Variants in MDH2 observed in about 807,000 individuals in gnomAD.
MDH2 encodes the protein malate dehydrogenase 2.
Under a neutral mutation model 33.6 loss-of-function variants are expected in MDH2, and 25 were observed. That is an observed-to-expected ratio of 0.74 (90% CI 0.54 to 1.04). The LOEUF is 1.04. Among genes scored for constraint, MDH2 ranks in the 50% least tolerant of loss-of-function variants. The pLI is 0.00. For synonymous variants in MDH2, 193 were observed against 188.7 expected, an observed-to-expected ratio of 1.02 and a Z score of -0.19; for missense variants, 432 against 445.0, an observed-to-expected ratio of 0.97 and a Z score of 0.26.
At chr7:76,057,340 CA>C in intron 2 of MDH2, 69 bp from the exon 3 acceptor site, 1 of 1,563,408 alleles carries the variant, frequency 6.4e-7, no homozygotes, top group Non-Finnish European at 8.8e-7. Context: ...GCCTTAAGGC[CA>C]GGGCTGAACT....
At chr7:76,061,144 G>A (rs1797935608) in intron 5 of MDH2, among the ~76,000 whole-genome samples, 2 of 152,146 alleles carry the variant, frequency 1.3e-5, no homozygotes, top group African/African-American at 4.8e-5. Context: ...GCCTGCTTTC[G>A]ACTTGCTTCC....
At chr7:76,057,106 G>A (rs1797808586) in intron 2 of MDH2, among the ~76,000 whole-genome samples, 1 of 152,090 alleles carries the variant, frequency 6.6e-6, no homozygotes, top group Non-Finnish European at 1.5e-5. Context: ...GACTTACAAT[G>A]CTCACGAGTA....
At chr7:76,063,729 C>A in intron 6 of MDH2, 137 bp downstream of exon 6, 2 of 801,436 alleles carry the variant, frequency 2.5e-6, no homozygotes, top group Non-Finnish European at 4.2e-6. Flanking sequence ...GTAGGCAGCC[C>A]CGCCCCTCTG....
intron 1 of MDH2, chr7:76,054,520 G>A: frequency 2.7e-6 from 1 of 364,764 alleles, no homozygotes; most frequent in Non-Finnish European, 5.0e-6. Context: ...AAAGCTGCAG[G>A]TTGAAGGGAA....
In MDH2 at chr7:76,060,521, T is replaced by C. The variant is rs1554586864; in HGVS notation, c.555+23T>C. On this transcript the variant is annotated intron_variant, in intron 5 of 8. Transcript: ENST00000315758. ...AAGGTAAGGGCGGCGTGGGTGTTGCTCAGGTGACCTTTCTGAACTTCTCCC... is the reference window on the plus strand; with the variant it reads ...AAGGTAAGGGCGGCGTGGGTGTTGCCCAGGTGACCTTTCTGAACTTCTCCC... 3.1e-6 allele frequency: 5 copies of C among 1,612,312 alleles called. No individual in the cohort carries two copies. The South Asian group carries it at 5.5e-5, about 18-fold the overall frequency.
chr7:76,066,253 T>C, intron 8 of MDH2, 26 bp from the exon 9 acceptor site: 1 of 1,597,944 alleles, frequency 6.3e-7, no homozygotes, highest in Non-Finnish European at 8.5e-7. Context: ...GGAAACTTCA[T>C]TTTAACATGT....
chr7:76,055,036 C>G, intron 2 of MDH2, 38 bp downstream of exon 2: 1 of 1,558,436 alleles, frequency 6.4e-7, no homozygotes, highest in Non-Finnish European at 8.7e-7. Context: ...TGCTTCCTGT[C>G]CCCAGTAGGC....
At chr7:76,053,540 C>G (rs1473777630) in intron 1 of MDH2, among the ~76,000 whole-genome samples, 2 of 152,180 alleles carry the variant, frequency 1.3e-5, no homozygotes, top group Non-Finnish European at 2.9e-5. Context: ...AGTTTAATTT[C>G]CTGAGCAGAA....
chr7:76,048,222 C>T lies in MDH2; in HGVS notation c.62C>T (p.Ala21Val), dbSNP rs1040619285. 5.2e-6 allele frequency: 8 copies of T among 1,534,690 alleles called. No individual in the cohort carries two copies. In the Middle Eastern group the frequency reaches 5.8e-4, roughly 111 times the overall value. ...CTCCGCCGCAGCTTCAGCACCTCGG[C>T]CCAGGTAGGCCAGACGAGGGGCGGC... ...AALRRSFSTS[A>V]QNNAKVAVLG... Residue 21 changes from alanine (A) to valine (V), a missense_variant, in exon 1 of 9, where the codon GCC becomes GTC. Coordinates refer to ENST00000315758, the MANE Select transcript of MDH2 (RefSeq NM_005918.4).
intron 1 of MDH2, 173 bp downstream of exon 1, chr7:76,048,399 C>G (rs1554584589): frequency 2.6e-6 from 3 of 1,161,998 alleles, no homozygotes; most frequent in Middle Eastern, 3.0e-4. Context: ...CCTGGAGGTG[C>G]GGGGGAGAAA....
At chr7:76,053,907 G>A (rs1349398063) in intron 1 of MDH2, among the ~76,000 whole-genome samples, 5 of 152,070 alleles carry the variant, frequency 3.3e-5, no homozygotes, top group Non-Finnish European at 7.4e-5. Flanking sequence ...ATGCGGGGCC[G>A]GGTCACTTTC....
chr7:76,060,367 T>G lies in MDH2; in HGVS notation c.430-6T>G. On this transcript the variant is annotated splice_region_variant and splice_polypyrimidine_tract_variant and intron_variant, in intron 4 of 8. Transcript: ENST00000315758. ...GCAAGCCATGCCTGTCTGTTGGATGTCCTAGGTTAATTCCACCATCCCCAT... is the reference window on the plus strand; with the variant it reads ...GCAAGCCATGCCTGTCTGTTGGATGGCCTAGGTTAATTCCACCATCCCCAT... 6.2e-7 allele frequency: 1 copy of G among 1,613,962 alleles called. No individual in the cohort carries two copies.
At chr7:76,063,699 G>C (rs1798014093) in intron 6 of MDH2, 107 bp downstream of exon 6, 1 of 1,098,012 alleles carries the variant, frequency 9.1e-7, no homozygotes, top group Non-Finnish European at 1.4e-6. Context: ...CACGTGCCAG[G>C]TTTTGGAAGG....
At chr7:76,050,684 G>T (rs1797595252) in intron 1 of MDH2, among the ~76,000 whole-genome samples, 1 of 152,168 alleles carries the variant, frequency 6.6e-6, no homozygotes, top group Admixed American at 6.5e-5. Flanking sequence ...TAGGTTAGGA[G>T]TTCATTGTGG....
rs1563552866 is a variant in MDH2 at position 76,064,342 on chromosome 7, AC to A, written c.642del (p.Lys215ArgfsTer9). ...KTIIPLISQC[T>X]PKVDFPQDQL... is the part of the protein sequence containing the mutation. ...GATCCCATGGCTTGGCTTGCAGTGC[AC>A]CCCCAAGGTGGACTTTCCCCAGGAC... On this transcript the variant is annotated frameshift_variant, in exon 7 of 9. Transcript: ENST00000315758. LOFTEE classifies it high-confidence loss of function. The A allele has an allele frequency of 1.9e-6, 3 of 1,610,600 alleles. No homozygotes were observed. The highest frequency in any genetic ancestry group is 2.5e-6 in the Non-Finnish European group (3 of 1,178,838).
In MDH2 at chr7:76,048,160, C is replaced by T. The variant is rs1369583263; in HGVS notation, c.-1C>T. ...CAGTCGGTGCCCCTCCCGCTCCAGC[C>T]ATGCTCTCCGCCCTCGCCCGGCCTG... On this transcript the variant is annotated 5_prime_UTR_variant, in exon 1 of 9. Coordinates refer to ENST00000315758, the MANE Select transcript of MDH2 (RefSeq NM_005918.4). The T allele has an allele frequency of 2.6e-6, 4 of 1,537,086 alleles. No homozygotes were observed. The highest frequency in any genetic ancestry group is 2.7e-5 in the African/African-American group (2 of 73,060).
chr7:76,060,020 G>T (rs1334593415), intron 4 of MDH2, among the ~76,000 whole-genome samples: 1 of 152,184 alleles, frequency 6.6e-6, no homozygotes, highest in Non-Finnish European at 1.5e-5. Context: ...CTTCCTTGGA[G>T]CACACAGCCG....
chr7:76,054,248 T>C (rs1585401769), intron 1 of MDH2, among the ~76,000 whole-genome samples: 1 of 103,756 alleles, frequency 9.6e-6, no homozygotes, highest in South Asian at 3.2e-4. Context: ...TTCCACCTCT[T>C]GTTAGGCAGC....
At chr7:76,061,844 C>T (rs1484007739) in intron 5 of MDH2, among the ~76,000 whole-genome samples, 5 of 152,186 alleles carry the variant, frequency 3.3e-5, no homozygotes, top group African/African-American at 7.2e-5. Flanking sequence ...GGCCCTAGTC[C>T]TGCCCTGCAC....
Sources: gnomAD v4.1 joint callset for allele counts (sites outside exome capture counted in the v4.1 genomes callset) on GRCh38, gnomAD v4.1.1 for gene constraint, MANE v1.5 for transcripts, NCBI Gene and HGNC (gene_info 2026-07-23, HGNC 2026-07-21) for gene names.